Variants in FBN3 observed in about 807,000 individuals in gnomAD.
FBN3 encodes fibrillin-3.
A neutral mutation model predicts 330.1 loss-of-function variants in FBN3; 234 were observed. The ratio of observed to expected loss-of-function variants is 0.71; its 90% confidence interval spans 0.64 to 0.79. The LOEUF (loss-of-function observed/expected upper bound fraction) is 0.79, where lower values mean the gene tolerates loss of function less well. FBN3 is among the 30% of genes least tolerant of loss of function. The pLI, the probability that FBN3 is intolerant of heterozygous loss-of-function variation, is 0.00. For synonymous variants in FBN3, 1,458 were observed against 1,517.3 expected, an observed-to-expected ratio of 0.96 and a Z score of 0.91; for missense variants, 3,606 against 3,886.9, an observed-to-expected ratio of 0.93 and a Z score of 1.92.
At chr19:8,114,321 C>T (rs906338237) in intron 30 of FBN3, among the ~76,000 whole-genome samples, 1 of 152,144 alleles carries the variant, frequency 6.6e-6, no homozygotes, top group Admixed American at 6.5e-5. Flanking sequence ...GTGATCTTGG[C>T]TCACTGCAAC....
chr19:8,124,371 G>A (rs2082929734), intron 22 of FBN3, among the ~76,000 whole-genome samples: 1 of 151,786 alleles, frequency 6.6e-6, no homozygotes. Context: ...AGCCTCCCGA[G>A]GAGCTGGGAT....
chr19:8,129,422 G>A lies in FBN3; in HGVS notation c.2045-57C>T. ...CAGAAGGAGGGTGTGTCCGAGGCAG[G>A]AGGAGGGTGTGTCGCGGCGCACCAG... is the stretch of plus-strand genomic sequence containing the variant. On this transcript the variant is annotated intron_variant, in intron 16 of 63. Coordinates refer to ENST00000600128, the MANE Select transcript of FBN3 (RefSeq NM_032447.5). The surrounding 1 kb of genome is among the most constrained non-coding windows in gnomAD (Gnocchi z 4.5). 1 of 1,601,552 alleles carries A rather than the reference G, an allele frequency of 6.2e-7. No individual in the cohort carries two copies. Among genetic ancestry groups the A allele is most frequent in the Non-Finnish European group, 8.5e-7 (1 of 1,173,104 alleles).
Position 8,072,194 on chromosome 19 carries a change from A to G in FBN3, c.7942T>C (p.Cys2648Arg). The change falls in exon 63 of 64, where the codon TGT becomes CGT. Residue 2648 changes from cysteine to arginine, a missense_variant. Physicochemically the swap from Cys to Arg is radical, Grantham distance 180. Coordinates refer to ENST00000600128, the MANE Select transcript of FBN3 (RefSeq NM_032447.5). ...QGYFRAGQGH[C>R]VSGLGFSPGP... ...GGGCTGAAGCCCAGGCCGGAGACAC[A>G]GTGCCTGGGCCAGGATGGGCAGGGT... The G allele has an allele frequency of 6.5e-7, 1 of 1,543,848 alleles. No individual in the cohort carries two copies.
chr19:8,092,047 G>T (rs2082108085), intron 47 of FBN3, among the ~76,000 whole-genome samples: 1 of 151,952 alleles, frequency 6.6e-6, no homozygotes, highest in Admixed American at 6.6e-5. Context: ...GTGTGGTGGT[G>T]GGCGCCTGTA....
intron 16 of FBN3, among the ~76,000 whole-genome samples, chr19:8,130,340 T>C (rs1315839221): frequency 7.5e-6 from 1 of 133,452 alleles, no homozygotes; most frequent in Non-Finnish European, 1.6e-5. Flanking sequence ...TCATCTCTAC[T>C]AAAAAAAAAA....
intron 13 of FBN3, 25 bp downstream of exon 13, chr19:8,135,936 G>GGGGGGGGGGGCGCCCCCCC: frequency 1.5e-6 from 1 of 668,778 alleles, no homozygotes; most frequent in Non-Finnish European, 2.4e-6. Context: ...GGAAGCCCCT[G>GGGGGGGGGGGCGCCCCCCC]CCCACCCGCC....
chr19:8,089,661 T>G lies in FBN3; in HGVS notation c.6260A>C (p.Glu2087Ala), dbSNP rs778045200. 1.2e-6 allele frequency: 2 copies of G among 1,614,148 alleles called. No homozygotes were observed. Among genetic ancestry groups the G allele is most frequent in the Non-Finnish European group, 1.7e-6 (2 of 1,180,004 alleles). The change falls in exon 51 of 64, where the codon GAG (glutamate) becomes GCG (alanine). Residue 2087 changes from glutamate to alanine, a missense_variant. Coordinates refer to ENST00000600128, the MANE Select transcript of FBN3 (RefSeq NM_032447.5). ...GPDDSREDVN[E>A]CAENPGVCTN... ...GCAGACGCCAGGGTTCTCTGCACACTCATTCACGTCTGCGGATGGCAGGCG... is the reference window on the plus strand; with the variant it reads ...GCAGACGCCAGGGTTCTCTGCACACGCATTCACGTCTGCGGATGGCAGGCG...
chr19:8,117,262 C>T lies in FBN3; in HGVS notation c.3493G>A (p.Gly1165Arg). ...DINECRVQNG[G>R]CDVHCINTEG... ...GTGTTAATACAGTGCACGTCACACC[C>T]ACCATTCTGGACCCGGCATTCGTTG... Residue 1165 changes from glycine (G) to arginine (R), a missense_variant, in exon 28 of 64, where the codon GGG (glycine) becomes AGG (arginine). Coordinates refer to ENST00000600128, the MANE Select transcript of FBN3 (RefSeq NM_032447.5). 6.2e-7 allele frequency: 1 copy of T among 1,613,904 alleles called. No individual in the cohort carries two copies. Among genetic ancestry groups the T allele is most frequent in the Non-Finnish European group, 8.5e-7 (1 of 1,179,964 alleles).
chr19:8,073,337 T>G (rs1568353514), intron 61 of FBN3, 40 bp from the exon 62 acceptor site: 1 of 1,551,060 alleles, frequency 6.4e-7, no homozygotes, highest in East Asian at 2.3e-5. Context: ...GACGCAGAGG[T>G]GGGGCAGTGC....
chr19:8,072,346 C>T (rs951459005), intron 62 of FBN3, 148 bp from the exon 63 acceptor site: 13 of 834,858 alleles, frequency 1.6e-5, no homozygotes, highest in Admixed American at 5.7e-5. Flanking sequence ...GGTGTGGCTC[C>T]GTGTGCACGA....
intron 13 of FBN3, 26 bp downstream of exon 13, chr19:8,135,935 T>TTGGGGGGGGGGGGGGGCGGG: frequency 7.4e-7 from 1 of 1,344,156 alleles, no homozygotes; most frequent in Non-Finnish European, 1.0e-6. Context: ...CGGAAGCCCC[T>TTGGGGGGGGGGGGGGGCGGG]GCCCACCCGC....
rs138635091 is a variant in FBN3 at position 8,141,960 on chromosome 19, A to G, written c.719T>C (p.Ile240Thr). The G allele has an allele frequency of 3.5e-3, 5,570 of 1,614,158 alleles. 17 individuals are homozygous for G. The highest frequency in any genetic ancestry group is 8.1e-3 in the Middle Eastern group (49 of 6,062). The change falls in exon 7 of 64, where the codon ATC (isoleucine) becomes ACC (threonine). Residue 240 changes from isoleucine (I) to threonine (T), a missense_variant. Physicochemically the swap from Ile to Thr is moderately conservative, Grantham distance 89. Transcript: ENST00000600128. ...HPCRRGFIPN[I>T]HTGACQDVDE... The stretch of plus-strand genomic sequence containing the variant: ...TTCACCTTGGCAGGCCCCCGTGTGG[A>G]TATTGGGGATGAAGCCGCGGCGGCA...
chr19:8,145,842 C>A lies in FBN3; in HGVS notation c.445+1G>T, dbSNP rs143451923. The A allele has an allele frequency of 8.4e-6, 13 of 1,550,212 alleles. No individual in the cohort carries two copies. In the East Asian group the frequency reaches 9.8e-5, roughly 12 times the overall value. On this transcript the variant is annotated splice_donor_variant, in intron 5 of 63. Coordinates refer to ENST00000600128, the MANE Select transcript of FBN3 (RefSeq NM_032447.5). LOFTEE classifies it high-confidence loss of function. The stretch of plus-strand genomic sequence containing the variant: ...GAGGGGAGTCCCATGGGGATACTCA[C>A]GCTGCCCACACACGGTGCCTGTGTA...
rs2081849170 is a variant in FBN3, at chr19:8,083,265, T to C, written c.7195A>G (p.Thr2399Ala). The C allele has an allele frequency of 1.9e-6, 3 of 1,614,096 alleles. No individual in the cohort carries two copies. Among genetic ancestry groups the C allele is most frequent in the East Asian group, 2.2e-5 (1 of 44,878 alleles). The change falls in exon 57 of 64, where the codon ACT becomes GCT. Residue 2399 changes from threonine to alanine, a missense_variant. Thr to Ala is a moderately conservative substitution (Grantham distance 58, BLOSUM62 0). Transcript: ENST00000600128. Reference sequence around the variant, plus strand: ...GGCTCACCCAGGCAGGTAGTAGCAGTAGCATCCGGTGTGTACCCGGCCTGA... The same window carrying C: ...GGCTCACCCAGGCAGGTAGTAGCAGCAGCATCCGGTGTGTACCCGGCCTGA... ...HCQAGYTPDA[T>A]ATTCLDMDEC...
intron 18 of FBN3, among the ~76,000 whole-genome samples, chr19:8,128,292 A>T (rs189402246): frequency 1.3e-5 from 2 of 152,148 alleles, no homozygotes; most frequent in East Asian, 3.9e-4. Flanking sequence ...GGCCAGGTGT[A>T]GTGGCTCGCG....
intron 56 of FBN3, among the ~76,000 whole-genome samples, chr19:8,084,592 TA>T (rs201746123): frequency 0.014 from 2,103 of 152,054 alleles, 49 homozygotes; most frequent in African/African-American, 0.047. Flanking sequence ...TATTTTTATT[TA>T]TTTATTTTTT....
At position 8,086,334 on chromosome 19, in the gene FBN3, G is replaced by C; in HGVS notation, c.6755-9C>G. The C allele has an allele frequency of 6.3e-7, 1 of 1,592,784 alleles. No individual in the cohort carries two copies. Among genetic ancestry groups the C allele is most frequent in the Non-Finnish European group, 8.6e-7 (1 of 1,166,404 alleles). On this transcript the variant is annotated splice_polypyrimidine_tract_variant and intron_variant, in intron 54 of 63. Transcript: ENST00000600128. ...GTGGCATTCATTGTCATCTGAGATG[G>C]GAGGGGTGAGGCAGGTGGGCGGGGA...
Position 8,089,082 on chromosome 19 carries a change from ATAAG to A in FBN3, c.6376+459_6376+462del, listed in dbSNP as rs372553102. ...AGTAAATGAATAAGTGAGTAAATGA[ATAAG>A]TGAGTGAATGAGCAAGTGAATGAAT... On this transcript the variant is annotated intron_variant, in intron 51 of 63. Coordinates refer to ENST00000600128, the MANE Select transcript of FBN3 (RefSeq NM_032447.5). Among the ~76,000 whole-genome samples, 135 of 150,088 alleles carry A rather than the reference ATAAG, an allele frequency of 9.0e-4. 1 individual carries two copies. The highest frequency in any genetic ancestry group is 3.1e-3 in the African/African-American group (123 of 39,676).
In FBN3 at chr19:8,123,645, C is replaced by T. The variant is rs548411405; in HGVS notation, c.2957-56G>A. On this transcript the variant is annotated intron_variant, in intron 23 of 63. Coordinates refer to ENST00000600128, the MANE Select transcript of FBN3 (RefSeq NM_032447.5). Reference sequence around the variant, plus strand: ...CGTCCCCAAGCTCAGGATCCATACACCAAGCCCTCCCTGGGTTCTTAGTGC... The same window carrying T: ...CGTCCCCAAGCTCAGGATCCATACATCAAGCCCTCCCTGGGTTCTTAGTGC... 3 of 1,607,540 alleles carry T rather than the reference C, an allele frequency of 1.9e-6. No homozygotes were observed. In the East Asian group the frequency reaches 6.7e-5, roughly 36 times the overall value.
Sources: allele counts gnomAD v4.1 joint callset (sites outside exome capture counted in the v4.1 genomes callset), GRCh38; gene constraint gnomAD v4.1.1; non-coding constraint Gnocchi (gnomAD v3.1); transcripts MANE v1.5; gene names NCBI Gene and HGNC (gene_info 2026-07-23, HGNC 2026-07-21).